The following MCF2L2 variants were observed in gnomAD, a reference collection of about 807,000 sequenced individuals.
MCF2L2 encodes the protein MCF.2 cell line derived transforming sequence-like 2.
In MCF2L2, 102 loss-of-function variants were observed where a neutral mutation model predicts 150.2. The observed-to-expected ratio is 0.68, with a 90% CI of 0.58 to 0.80. MCF2L2 has a LOEUF of 0.80. Ranked by LOEUF, MCF2L2 falls within the 30% of genes least tolerant of loss-of-function variation. The pLI, the probability that MCF2L2 is intolerant of heterozygous loss-of-function variation, is 0.00. For synonymous variants in MCF2L2, 465 were observed against 491.3 expected (o/e 0.95, Z 0.71); for missense variants, 1,256 against 1,372.8 (o/e 0.91, Z 1.34).
intron 1 of MCF2L2, among the ~76,000 whole-genome samples, chr3:183,426,216 C>T (rs903103550): frequency 2.0e-5 from 3 of 152,048 alleles, no homozygotes; most frequent in East Asian, 3.9e-4. Context: ...ATAGCCTGGG[C>T]GCCACAGGCA....
chr3:183,379,462 A>G (rs1326849169), intron 2 of MCF2L2, 51 bp from the exon 3 acceptor site: 1 of 1,284,622 alleles, frequency 7.8e-7, no homozygotes, highest in East Asian at 2.4e-5. Context: ...GTCCTGTCAC[A>G]CCTCTGCAGG....
intron 22 of MCF2L2, among the ~76,000 whole-genome samples, chr3:183,211,593 G>C (rs1722725641): frequency 6.6e-6 from 1 of 152,220 alleles, no homozygotes. Flanking sequence ...GGAAGCTGCA[G>C]GGACATTCCC....
In MCF2L2 at chr3:183,277,585, A is replaced by T. The variant is rs558797119; in HGVS notation, c.1777-628T>A. Among the ~76,000 whole-genome samples, 9 of 152,082 alleles carry T rather than the reference A, an allele frequency of 5.9e-5. No homozygotes were observed. The South Asian group carries it at 1.7e-3, about 28-fold the overall frequency. ...TTCACAGATGCGTGATAACAAGTCT[A>T]ACTAAAGAAGTACCTGGGATACTAG... On this transcript the variant is annotated intron_variant, in intron 14 of 29. Coordinates refer to ENST00000328913, the MANE Select transcript of MCF2L2 (RefSeq NM_015078.4).
intron 15 of MCF2L2, among the ~76,000 whole-genome samples, chr3:183,239,606 T>C (rs1413269869): frequency 6.9e-6 from 1 of 144,288 alleles, no homozygotes; most frequent in African/African-American, 2.6e-5. Flanking sequence ...CCGCCGTTTC[T>C]CAGTTCTCCA....
At chr3:183,276,558 T>A (rs73884624) in intron 15 of MCF2L2, 4,484 of 276,942 alleles carry the variant, frequency 0.016, 199 homozygotes, top group African/African-American at 0.087. Flanking sequence ...CAAGAGACTT[T>A]AAATGTGTTT....
intron 6 of MCF2L2, 33 bp downstream of exon 6, chr3:183,323,202 G>T: frequency 6.9e-7 from 1 of 1,446,020 alleles, no homozygotes; most frequent in Non-Finnish European, 9.6e-7. Context: ...AACAAGGAGA[G>T]ACAGTGAAAA....
At chr3:183,248,157 C>T (rs975988576) in intron 15 of MCF2L2, among the ~76,000 whole-genome samples, 1 of 152,078 alleles carries the variant, frequency 6.6e-6, no homozygotes, top group South Asian at 2.1e-4. Context: ...ATGATGCAAA[C>T]ATCTCTCTCA....
intron 15 of MCF2L2, among the ~76,000 whole-genome samples, chr3:183,246,001 A>C (rs1724235558): frequency 6.6e-6 from 1 of 152,198 alleles, no homozygotes; most frequent in South Asian, 2.1e-4. Flanking sequence ...ATGGGATATA[A>C]ATTATTTTTA....
intron 25 of MCF2L2, among the ~76,000 whole-genome samples, chr3:183,199,201 C>T (rs1722174551): frequency 6.6e-6 from 1 of 152,144 alleles, no homozygotes; most frequent in African/African-American, 2.4e-5. Context: ...CATAGAAGAC[C>T]TAGAAAAAGT....
chr3:183,276,356 G>C (rs2108458468), intron 15 of MCF2L2, among the ~76,000 whole-genome samples: 1 of 152,298 alleles, frequency 6.6e-6, no homozygotes, highest in African/African-American at 2.4e-5. Flanking sequence ...TAAATAATGT[G>C]ACTAGCACTA....
Position 183,231,104 on chromosome 3 carries a change from C to T in MCF2L2, c.1863-87G>A, listed in dbSNP as rs1480544703. ...TTTAGAATTCTGTTAGAATAATGCT[C>T]ATCAATACAGTTCCCTTTTAGTGGC... On this transcript the variant is annotated intron_variant, in intron 15 of 29. Coordinates refer to ENST00000328913, the MANE Select transcript of MCF2L2 (RefSeq NM_015078.4). 6.0e-6 allele frequency: 6 copies of T among 1,002,168 alleles called. No individual in the cohort carries two copies. The Admixed American group carries it at 7.1e-5, about 12-fold the overall frequency. 62.1% of individuals were successfully genotyped at this position (1,002,168 alleles called of 1,614,324 possible). A position where few individuals can be genotyped will look rare whatever the true frequency, so the allele number is the denominator to read the frequency against.
chr3:183,289,019 G>C, intron 14 of MCF2L2, 101 bp downstream of exon 14: 3 of 790,156 alleles, frequency 3.8e-6, no homozygotes, highest in Non-Finnish European at 6.4e-6. Flanking sequence ...TGTGCCTTAG[G>C]TACAGATTAA....
intron 1 of MCF2L2, among the ~76,000 whole-genome samples, chr3:183,414,920 A>G (rs1320932990): frequency 1.3e-5 from 2 of 152,238 alleles, no homozygotes; most frequent in Admixed American, 6.5e-5. Context: ...TACTTTGTAT[A>G]ATTTCAATCA....
chr3:183,289,813 G>A (rs1167091243), intron 13 of MCF2L2, among the ~76,000 whole-genome samples: 7 of 152,158 alleles, frequency 4.6e-5, no homozygotes, highest in East Asian at 1.9e-4. Context: ...CTGAGATTGC[G>A]CCACTGCACT....
chr3:183,423,632 G>GTTTTTTTTTTTTTTTTTTT (rs34400256), intron 1 of MCF2L2, among the ~76,000 whole-genome samples: 2 of 92,040 alleles, frequency 2.2e-5, no homozygotes, highest in African/African-American at 4.0e-5. Flanking sequence ...AATTTTATTT[G>GTTTTTTTTTTTTTTTTTTT]TTTTTTTTTT....
At chr3:183,308,004 C>A (rs1222911235) in intron 10 of MCF2L2, among the ~76,000 whole-genome samples, 1 of 152,250 alleles carries the variant, frequency 6.6e-6, no homozygotes, top group Non-Finnish European at 1.5e-5. Context: ...CAAAGGTCGT[C>A]TTCTCAGGCC....
chr3:183,355,747 T>A (rs1230648878), intron 3 of MCF2L2, among the ~76,000 whole-genome samples: 1 of 151,248 alleles, frequency 6.6e-6, no homozygotes, highest in Non-Finnish European at 1.5e-5. Context: ...ATTACAGGCG[T>A]GAGCCACCGC....
intron 1 of MCF2L2, among the ~76,000 whole-genome samples, chr3:183,407,839 G>A (rs747547919): frequency 4.6e-5 from 7 of 152,174 alleles, no homozygotes; most frequent in Non-Finnish European, 8.8e-5. Flanking sequence ...ATAGGAGGAT[G>A]AGAATGCAAG....
At chr3:183,288,513 G>A (rs906280265) in intron 14 of MCF2L2, among the ~76,000 whole-genome samples, 2 of 139,488 alleles carry the variant, frequency 1.4e-5, no homozygotes, top group African/African-American at 5.4e-5. Flanking sequence ...ACATAGTTTC[G>A]CTCTGTTGCC....
Sources: gnomAD v4.1 joint callset for allele counts (sites outside exome capture counted in the v4.1 genomes callset) on GRCh38, gnomAD v4.1.1 for gene constraint, MANE v1.5 for transcripts, NCBI Gene and HGNC (gene_info 2026-07-23, HGNC 2026-07-21) for gene names.